The following IRAG2 variants were observed in gnomAD, a reference collection of about 807,000 sequenced individuals.
The protein encoded by IRAG2 is inositol 1,4,5-triphosphate receptor associated 2, also known as lymphoid restricted membrane protein.
Under a neutral mutation model 69.9 loss-of-function variants are expected in IRAG2, and 45 were observed. The observed-to-expected ratio is 0.64, with a 90% CI of 0.51 to 0.83. IRAG2 has a LOEUF of 0.83. IRAG2 is among the 40% of genes least tolerant of loss of function. The pLI is 0.00. For synonymous variants in IRAG2, 193 were observed against 202.4 expected (o/e 0.95, Z 0.40); for missense variants, 520 against 587.0 (o/e 0.89, Z 1.18).
At chr12:25,045,322 C>G (rs997301533) in intron 16 of IRAG2, among the ~76,000 whole-genome samples, 1 of 152,020 alleles carries the variant, frequency 6.6e-6, no homozygotes, top group East Asian at 1.9e-4. Flanking sequence ...ATAAACCTAA[C>G]TTTTTACACT....
At chr12:25,091,751 C>T (rs1555142572) in intron 14 of IRAG2, among the ~76,000 whole-genome samples, 1 of 152,224 alleles carries the variant, frequency 6.6e-6, no homozygotes, top group African/African-American at 2.4e-5. Flanking sequence ...CCAATTTCTC[C>T]AAATCTTCAC....
intron 6 of IRAG2, among the ~76,000 whole-genome samples, chr12:25,072,897 T>C (rs1946425403): frequency 6.6e-6 from 1 of 152,254 alleles, no homozygotes; most frequent in African/African-American, 2.4e-5. Context: ...CCCAGAACAA[T>C]GTATGCTTTT....
At chr12:25,061,517 C>A (rs1218117581) in intron 1 of IRAG2, 75 bp from the exon 2 acceptor site, 2 of 397,806 alleles carry the variant, frequency 5.0e-6, no homozygotes, top group Non-Finnish European at 8.9e-6. Flanking sequence ...AGAACCAAAT[C>A]CTGTCTTGAA....
chr12:25,016,081 A>AACTC (rs2139828144), intron 5 of IRAG2, among the ~76,000 whole-genome samples: 1 of 152,226 alleles, frequency 6.6e-6, no homozygotes, highest in South Asian at 2.1e-4. Flanking sequence ...CCATAATCCC[A>AACTC]GCTACTTGGG....
chr12:25,038,949 G>A (rs532846058), intron 16 of IRAG2, among the ~76,000 whole-genome samples: 1 of 152,122 alleles, frequency 6.6e-6, no homozygotes, highest in Non-Finnish European at 1.5e-5. Flanking sequence ...GAGTCATAGG[G>A]AATAGATGGT....
At chr12:25,005,208 G>A (rs1188494751) in intron 1 of IRAG2, 1 of 995,424 alleles carries the variant, frequency 1.0e-6, no homozygotes. Context: ...AGCACAGAAA[G>A]CATCAGGATT....
intron 9 of IRAG2, among the ~76,000 whole-genome samples, chr12:25,027,028 CTTCT>C (rs1237584307): frequency 2.1e-5 from 2 of 96,018 alleles, no homozygotes; most frequent in East Asian, 3.5e-4. Flanking sequence ...TTTCCTTTTC[CTTCT>C]TTTTTTTTTT....
At chr12:25,023,523 G>A (rs1308254824) in intron 7 of IRAG2, among the ~76,000 whole-genome samples, 1 of 152,116 alleles carries the variant, frequency 6.6e-6, no homozygotes, top group Non-Finnish European at 1.5e-5. Flanking sequence ...GAACTCTAGA[G>A]CTCTGTGATT....
At chr12:25,025,457 A>G (rs1343968435) in intron 8 of IRAG2, among the ~76,000 whole-genome samples, 2 of 152,256 alleles carry the variant, frequency 1.3e-5, no homozygotes, top group Non-Finnish European at 2.9e-5. Flanking sequence ...TGGAGGGTCC[A>G]GACACAAGGG....
chr12:25,058,641 T>C (rs1945419564), intron 1 of IRAG2, among the ~76,000 whole-genome samples: 1 of 152,210 alleles, frequency 6.6e-6, no homozygotes, highest in Admixed American at 6.5e-5. Context: ...CTAATAATGT[T>C]ATAATTTTCA....
At chr12:25,033,517 A>G (rs1944684261) in intron 12 of IRAG2, among the ~76,000 whole-genome samples, 1 of 152,256 alleles carries the variant, frequency 6.6e-6, no homozygotes, top group Non-Finnish European at 1.5e-5. Context: ...TGTGACATCA[A>G]AACGGTATGG....
At chr12:25,033,968 G>A (rs1226671827) in intron 13 of IRAG2, 2 of 398,766 alleles carry the variant, frequency 5.0e-6, no homozygotes, top group East Asian at 3.6e-5. Context: ...ATAAGAAGAT[G>A]GAAAGCTTTG....
chr12:25,044,483 A>C (rs1343290029), intron 16 of IRAG2, among the ~76,000 whole-genome samples: 5 of 128,864 alleles, frequency 3.9e-5, no homozygotes, highest in Non-Finnish European at 8.9e-5. Flanking sequence ...AGGGCTGAAC[A>C]TATTAAATTT....
upstream of IRAG2, among the ~76,000 whole-genome samples, chr12:25,047,376 A>G (rs1227209794): frequency 6.6e-6 from 1 of 152,254 alleles, no homozygotes; most frequent in African/African-American, 2.4e-5. Context: ...CAATGAAAAG[A>G]CAACCTATGG....
intron 8 of IRAG2, among the ~76,000 whole-genome samples, chr12:25,025,836 T>G (rs1423414146): frequency 6.6e-6 from 1 of 152,286 alleles, no homozygotes; most frequent in East Asian, 1.9e-4. Flanking sequence ...TTGTTTCTAG[T>G]GTCTCAGTGA....
At chr12:25,057,252 A>T (rs76537834) in intron 1 of IRAG2, among the ~76,000 whole-genome samples, 8 of 89,048 alleles carry the variant, frequency 9.0e-5, no homozygotes, top group African/African-American at 1.8e-4. Flanking sequence ...AGGTAGACAG[A>T]TTTTTTTTTT....
At chr12:25,042,274 C>T (rs1944756728) in intron 16 of IRAG2, among the ~76,000 whole-genome samples, 1 of 53,128 alleles carries the variant, frequency 1.9e-5, no homozygotes, top group Non-Finnish European at 6.5e-5. Context: ...GCTATTTAGA[C>T]AGCAAAGTCT....
chr12:25,021,452 TA>T (rs140797007), intron 7 of IRAG2, among the ~76,000 whole-genome samples: 2 of 151,226 alleles, frequency 1.3e-5, no homozygotes, highest in East Asian at 1.9e-4. Flanking sequence ...TTCTCAGATT[TA>T]AAAAAAAACA....
At chr12:25,071,929 C>G (rs12579848) in intron 6 of IRAG2, among the ~76,000 whole-genome samples, 2 of 151,816 alleles carry the variant, frequency 1.3e-5, no homozygotes, top group South Asian at 4.1e-4. Flanking sequence ...CTGGGCTGGG[C>G]GCAGTGGCAC....
Sources: allele counts gnomAD v4.1 joint callset (sites outside exome capture counted in the v4.1 genomes callset), GRCh38; gene constraint gnomAD v4.1.1; transcripts MANE v1.5; gene names NCBI Gene and HGNC (gene_info 2026-07-23, HGNC 2026-07-21).